Variants in DACH2 observed in about 807,000 individuals in gnomAD.
DACH2 encodes the protein dachshund homolog 2.
A neutral mutation model predicts 35.8 loss-of-function variants in DACH2; 17 were observed. The ratio of observed to expected loss-of-function variants is 0.48; its 90% CI spans 0.33 to 0.71. DACH2 has a LOEUF of 0.71. Among genes scored for constraint, DACH2 ranks in the 30% least tolerant of loss-of-function variants. The pLI is 0.02. For synonymous variants in DACH2, 195 were observed against 177.3 expected (o/e 1.10, Z -0.79); for missense variants, 469 against 472.7 (o/e 0.99, Z 0.07).
chrX:86,379,741 C>T (rs1048745059), intron 2 of DACH2, among the ~76,000 whole-genome samples: 2 of 110,873 alleles, frequency 1.8e-5, no homozygotes, highest in African/African-American at 6.5e-5. Context: ...ATTCTAGTTG[C>T]AGATTTAACA....
At chrX:86,677,292 C>A (rs1458767493) in intron 4 of DACH2, among the ~76,000 whole-genome samples, 1 of 111,750 alleles carries the variant, frequency 8.9e-6, no homozygotes, top group Non-Finnish European at 1.9e-5. Flanking sequence ...TCTAAAGATG[C>A]CTTAAAGCAT....
intron 7 of DACH2, among the ~76,000 whole-genome samples, chrX:86,803,544 C>G (rs982189813): frequency 9.1e-6 from 1 of 110,318 alleles, no homozygotes; most frequent in African/African-American, 3.3e-5. Flanking sequence ...ACAATCTTGT[C>G]TTTTTGAATA....
chrX:86,576,087 C>A (rs915512696), intron 3 of DACH2, among the ~76,000 whole-genome samples: 4 of 111,893 alleles, frequency 3.6e-5, no homozygotes, highest in Admixed American at 2.9e-4. Context: ...ATACTTAAAG[C>A]CTTTTTTGGT....
chrX:86,223,927 A>G (rs910595430), intron 1 of DACH2, among the ~76,000 whole-genome samples: 1 of 112,069 alleles, frequency 8.9e-6, no homozygotes, highest in South Asian at 3.7e-4. Context: ...AGAAGTAGAA[A>G]CTTGGTGTAT....
chrX:86,364,779 C>T (rs1015449464), intron 1 of DACH2, among the ~76,000 whole-genome samples: 7 of 111,244 alleles, frequency 6.3e-5, no homozygotes, highest in African/African-American at 2.3e-4. Flanking sequence ...TGGATAGTAA[C>T]GGTTTTCTTT....
At chrX:86,816,281 C>T (rs981455052) in intron 11 of DACH2, among the ~76,000 whole-genome samples, 182 bp downstream of exon 11, 2 of 111,355 alleles carry the variant, frequency 1.8e-5, no homozygotes, top group African/African-American at 3.3e-5. Context: ...GAAAAAAATA[C>T]TTAACATGGC....
chrX:86,291,409 C>T (rs907712868), intron 1 of DACH2, among the ~76,000 whole-genome samples: 1 of 95,381 alleles, frequency 1.0e-5, no homozygotes, highest in Non-Finnish European at 2.1e-5. Context: ...GATTGAATAC[C>T]CTTTATTTCC....
rs370859606 is a variant in DACH2, at chrX:86,181,154, GTCTA to G, written c.488+32080_488+32083del. 3.4e-3 allele frequency among the ~76,000 whole-genome samples: 342 copies of G among 101,486 alleles called. 2 individuals carry two copies. Among genetic ancestry groups the G allele is most frequent in the Middle Eastern group, 0.025 (5 of 200 alleles). 88.1% of individuals were successfully genotyped at this position (101,486 alleles called of 115,157 possible). The stretch of plus-strand genomic sequence containing the variant: ...CCTGTTAGATGTCATATGTCTGACT[GTCTA>G]TCTATCTATCTATCTATCTATCTAT... On this transcript the variant is annotated intron_variant, in intron 1 of 11. Transcript: ENST00000373125.
intron 2 of DACH2, among the ~76,000 whole-genome samples, chrX:86,499,897 C>A (rs2038225886): frequency 1.8e-5 from 2 of 111,228 alleles, no homozygotes; most frequent in Admixed American, 9.6e-5. Flanking sequence ...TGGGATGGAG[C>A]CATGATAGGA....
chrX:86,813,025 C>CA, intron 8 of DACH2, 21 bp downstream of exon 8: 1 of 1,169,365 alleles, frequency 8.6e-7, no homozygotes, highest in Non-Finnish European at 1.1e-6. Context: ...TTTCTATAAA[C>CA]AAAATAAATG....
At chrX:86,698,533 T>TTTTTTTTTTTTTTTTTTTTTTTTTTC (rs1569469397) in intron 5 of DACH2, among the ~76,000 whole-genome samples, 1 of 63,057 alleles carries the variant, frequency 1.6e-5, no homozygotes, top group African/African-American at 6.0e-5. Flanking sequence ...TTTTTTTTTT[T>TTTTTTTTTTTTTTTTTTTTTTTTTTC]TTTTTTTTTT....
chrX:86,456,357 A>C (rs1233308279), intron 2 of DACH2, among the ~76,000 whole-genome samples: 1 of 111,687 alleles, frequency 9.0e-6, no homozygotes, highest in African/African-American at 3.3e-5. Context: ...ATCAATTATA[A>C]TTTTTAATTA....
intron 3 of DACH2, among the ~76,000 whole-genome samples, chrX:86,530,476 T>C (rs2038702393): frequency 9.0e-6 from 1 of 111,398 alleles, no homozygotes; most frequent in Admixed American, 9.6e-5. Context: ...TTTTAAAGCA[T>C]GGTACTTCCT....
intron 1 of DACH2, among the ~76,000 whole-genome samples, chrX:86,254,790 A>ATATATATATG (rs2033475231): frequency 3.0e-5 from 2 of 65,724 alleles, no homozygotes; most frequent in African/African-American, 1.4e-4. Context: ...AAATATATAT[A>ATATATATATG]TATATATATA....
At chrX:86,705,093 A>ATAT in intron 5 of DACH2, among the ~76,000 whole-genome samples, 1 of 102,118 alleles carries the variant, frequency 9.8e-6, no homozygotes, top group Non-Finnish European at 1.9e-5. Flanking sequence ...AGATATATAT[A>ATAT]ATGGAATACT....
chrX:86,702,779 AT>A (rs1390928549), intron 5 of DACH2, among the ~76,000 whole-genome samples: 1 of 111,464 alleles, frequency 9.0e-6, no homozygotes, highest in Non-Finnish European at 1.9e-5. Flanking sequence ...TGAATCACTA[AT>A]TTAAAAATTG....
chrX:86,823,899 C>T (rs923481814), intron 11 of DACH2, among the ~76,000 whole-genome samples: 1 of 111,762 alleles, frequency 8.9e-6, no homozygotes, highest in African/African-American at 3.3e-5. Context: ...AGATCACATG[C>T]TTCTGAGGAA....
At chrX:86,791,831 G>GT (rs1211038320) in intron 7 of DACH2, among the ~76,000 whole-genome samples, 3 of 111,738 alleles carry the variant, frequency 2.7e-5, no homozygotes, top group African/African-American at 9.7e-5. Flanking sequence ...AACATGTGAA[G>GT]TTTTTTTACT....
At chrX:86,809,929 T>G (rs1436719236) in intron 7 of DACH2, among the ~76,000 whole-genome samples, 4 of 111,168 alleles carry the variant, frequency 3.6e-5, no homozygotes, top group South Asian at 3.8e-4. Context: ...ATTATCAAAA[T>G]GAATCATTGC....
Sources: allele counts gnomAD v4.1 joint callset (sites outside exome capture counted in the v4.1 genomes callset), GRCh38; gene constraint gnomAD v4.1.1; transcripts MANE v1.5; gene names NCBI Gene and HGNC (gene_info 2026-07-23, HGNC 2026-07-21).